NBEA: variants seen among roughly 807,000 people sequenced by gnomAD.
The protein encoded by NBEA is neurobeachin.
In NBEA, 44 loss-of-function variants were observed where a neutral mutation model predicts 343.4. That is an observed-to-expected ratio of 0.13 (90% confidence interval 0.10 to 0.16). The LOEUF (loss-of-function observed/expected upper bound fraction) is 0.16, where lower values mean the gene tolerates loss of function less well. Among genes scored for constraint, NBEA ranks in the 10% least tolerant of loss-of-function variants. The pLI is 1.00. For synonymous variants in NBEA, 1,175 were observed against 1,238.7 expected (o/e 0.95, Z 1.08); for missense variants, 2,555 against 3,631.3 (o/e 0.70, Z 7.62).
chr13:35,286,440 T>C (rs1480994700), intron 34 of NBEA, among the ~76,000 whole-genome samples: 15 of 152,232 alleles, frequency 9.9e-5, no homozygotes, highest in Admixed American at 3.9e-4. Flanking sequence ...TTTAAAAGAT[T>C]AGTTCCATAT....
chr13:35,114,790 T>C (rs1414920471), intron 13 of NBEA, among the ~76,000 whole-genome samples: 1 of 152,234 alleles, frequency 6.6e-6, no homozygotes, highest in Non-Finnish European at 1.5e-5. Context: ...TATTTTACTT[T>C]AACATTTTAA....
chr13:35,555,936 C>T (rs2079552436), intron 44 of NBEA, among the ~76,000 whole-genome samples: 1 of 151,828 alleles, frequency 6.6e-6, no homozygotes, highest in Non-Finnish European at 1.5e-5. Flanking sequence ...TAATATTACT[C>T]TTTTTTAATC....
At chr13:35,106,217 G>C (rs565786778) in intron 11 of NBEA, among the ~76,000 whole-genome samples, 2 of 151,932 alleles carry the variant, frequency 1.3e-5, no homozygotes, top group Non-Finnish European at 2.9e-5. Flanking sequence ...AAAGGTTACA[G>C]ATTTATAACT....
chr13:34,944,225 A>G (rs943510098), intron 1 of NBEA, among the ~76,000 whole-genome samples: 7 of 152,240 alleles, frequency 4.6e-5, no homozygotes, highest in African/African-American at 1.7e-4. Context: ...GGTCACAGGA[A>G]TATAACAATA....
chr13:35,210,967 C>T (rs1226118993), intron 32 of NBEA, 86 bp from the exon 33 acceptor site: 13 of 1,375,402 alleles, frequency 9.5e-6, no homozygotes, highest in Non-Finnish European at 1.2e-5. Context: ...ATGAGTAATT[C>T]TTTCAAAATC....
chr13:35,474,873 G>A (rs369061059), intron 41 of NBEA: 3 of 698,286 alleles, frequency 4.3e-6, no homozygotes, highest in African/African-American at 1.8e-5. Context: ...TTCTCCATCC[G>A]CTTCCCCTAC....
At chr13:35,133,173 G>A (rs1012671638) in intron 17 of NBEA, among the ~76,000 whole-genome samples, 3 of 152,016 alleles carry the variant, frequency 2.0e-5, no homozygotes, top group Non-Finnish European at 2.9e-5. Flanking sequence ...ATTAGAAAAA[G>A]AAAATCTGTT....
intron 41 of NBEA, among the ~76,000 whole-genome samples, chr13:35,539,873 G>A (rs2153004405): frequency 8.3e-6 from 1 of 120,276 alleles, no homozygotes; most frequent in East Asian, 2.5e-4. Context: ...CCGAGATCCT[G>A]CCACTGCACT....
At chr13:35,139,294 C>A (rs1360659598) in intron 17 of NBEA, among the ~76,000 whole-genome samples, 1 of 152,034 alleles carries the variant, frequency 6.6e-6, no homozygotes, top group East Asian at 1.9e-4. Flanking sequence ...CTCCTGACCT[C>A]AAGTGATCCG....
At chr13:35,392,929 C>T (rs1410083096) in intron 38 of NBEA, among the ~76,000 whole-genome samples, 1 of 152,168 alleles carries the variant, frequency 6.6e-6, no homozygotes, top group Non-Finnish European at 1.5e-5. Context: ...TATTAATGAC[C>T]TCCCAGGTCA....
intron 41 of NBEA, among the ~76,000 whole-genome samples, chr13:35,514,810 A>G (rs774804251): frequency 2.0e-5 from 3 of 152,158 alleles, no homozygotes; most frequent in South Asian, 2.1e-4. Context: ...GTCTTTTTCC[A>G]GTAGGGTAAG....
chr13:35,297,306 T>C (rs1415661101), intron 35 of NBEA, among the ~76,000 whole-genome samples: 3 of 152,072 alleles, frequency 2.0e-5, no homozygotes, highest in Non-Finnish European at 4.4e-5. Context: ...CCTTAGCATC[T>C]GAGTGCATAA....
chr13:35,256,776 C>G (rs1347395008), intron 34 of NBEA, among the ~76,000 whole-genome samples: 2 of 152,234 alleles, frequency 1.3e-5, no homozygotes, highest in Non-Finnish European at 2.9e-5. Context: ...GTGGCCACAA[C>G]TTTGCTCTGC....
At chr13:35,552,638 C>A (rs9544624) in intron 43 of NBEA, among the ~76,000 whole-genome samples, 13 of 151,896 alleles carry the variant, frequency 8.6e-5, no homozygotes, top group Admixed American at 2.0e-4. Flanking sequence ...TAAGAACTTA[C>A]GAATGGGCCT....
chr13:34,984,856 T>C (rs2060490183), intron 1 of NBEA, among the ~76,000 whole-genome samples: 1 of 150,998 alleles, frequency 6.6e-6, no homozygotes, highest in Non-Finnish European at 1.5e-5. Context: ...TATTGGTGTA[T>C]AGGAATGCTT....
chr13:35,484,268 G>A (rs61949166), intron 41 of NBEA, among the ~76,000 whole-genome samples: 4,078 of 106,748 alleles, frequency 0.038, 70 homozygotes, highest in African/African-American at 0.047. Flanking sequence ...GTGTGTGTGT[G>A]TGTGTGTATA....
intron 35 of NBEA, among the ~76,000 whole-genome samples, chr13:35,293,788 A>G (rs2035946398): frequency 6.6e-6 from 1 of 151,938 alleles, no homozygotes; most frequent in Non-Finnish European, 1.5e-5. Context: ...CATAAGATAT[A>G]CTCCAGGAAA....
At chr13:35,238,165 G>A (rs1040977444) in intron 34 of NBEA, among the ~76,000 whole-genome samples, 8 of 152,158 alleles carry the variant, frequency 5.3e-5, no homozygotes, top group Admixed American at 5.2e-4. Flanking sequence ...AGATAACAAA[G>A]CTGCCTAAGA....
At chr13:35,521,163 A>G (rs1456433576) in intron 41 of NBEA, among the ~76,000 whole-genome samples, 1 of 151,796 alleles carries the variant, frequency 6.6e-6, no homozygotes, top group African/African-American at 2.4e-5. Flanking sequence ...TATTAATTTT[A>G]TTAATATTTA....
Sources: allele counts gnomAD v4.1 joint callset (sites outside exome capture counted in the v4.1 genomes callset), GRCh38; gene constraint gnomAD v4.1.1; transcripts MANE v1.5; gene names NCBI Gene and HGNC (gene_info 2026-07-23, HGNC 2026-07-21).